Variants in PDLIM1 observed in about 807,000 individuals in gnomAD.
PDLIM1 encodes the protein PDZ and LIM domain protein 1.
PDLIM1 carries 25 observed loss-of-function variants against 35.2 expected under a neutral mutation model. The observed-to-expected ratio is 0.71, with a 90% CI of 0.52 to 0.99. The LOEUF (loss-of-function observed/expected upper bound fraction) is 0.99, where lower values mean the gene tolerates loss of function less well. Ranked by LOEUF, PDLIM1 falls within the 50% of genes least tolerant of loss-of-function variation. The pLI, the probability that PDLIM1 is intolerant of heterozygous loss-of-function variation, is 0.00. For missense variants in PDLIM1, 363 were observed against 415.3 expected (o/e 0.87, Z 1.09); for synonymous variants, 152 against 154.0 (o/e 0.99, Z 0.10).
At chr10:95,265,281 A>G (rs1276535622) in intron 3 of PDLIM1, among the ~76,000 whole-genome samples, 1 of 152,174 alleles carries the variant, frequency 6.6e-6, no homozygotes, top group Non-Finnish European at 1.5e-5. Flanking sequence ...AAACAACCTG[A>G]AAATATTTTT....
chr10:95,248,772 C>T (rs2035243652), intron 4 of PDLIM1, among the ~76,000 whole-genome samples: 1 of 152,242 alleles, frequency 6.6e-6, no homozygotes. Context: ...CTCTGCTCTA[C>T]TGAGACCAGG....
chr10:95,248,749 CAG>C (rs1320253514), intron 4 of PDLIM1, among the ~76,000 whole-genome samples: 1 of 152,236 alleles, frequency 6.6e-6, no homozygotes, highest in Non-Finnish European at 1.5e-5. Context: ...CATCCCCTGC[CAG>C]CCCTGGCCCA....
At chr10:95,247,154 A>C in intron 5 of PDLIM1, 61 bp downstream of exon 5, 5 of 1,491,870 alleles carry the variant, frequency 3.4e-6, no homozygotes, top group Non-Finnish European at 4.6e-6. Flanking sequence ...TGCTTCCACA[A>C]TGACTGACTC....
At position 95,237,931 on chromosome 10, in the gene PDLIM1, G is replaced by T. The variant is rs1460083433; in HGVS notation, c.984C>A (p.Pro328=). ...AGTGGTCAGATCTGCTGGCTCACTT[G>T]GGGAACACAGTGACCACTTCATAAC... ...PEGYEVVTVF[P]K The change falls in exon 7 of 7, where the codon CCC becomes CCA. Residue 328 remains proline, a synonymous_variant. Transcript: ENST00000329399. 3.7e-6 allele frequency: 6 copies of T among 1,613,574 alleles called. No individual in the cohort carries two copies. The highest frequency in any genetic ancestry group is 1.6e-4 in the Middle Eastern group (1 of 6,084).
intron 1 of PDLIM1, among the ~76,000 whole-genome samples, chr10:95,282,932 A>C (rs1477716131): frequency 2.0e-5 from 3 of 152,218 alleles, no homozygotes; most frequent in Non-Finnish European, 4.4e-5. Flanking sequence ...CGACAGAGCG[A>C]GACTCCGTCA....
chr10:95,277,599 C>T (rs1191858686), intron 1 of PDLIM1, among the ~76,000 whole-genome samples: 1 of 151,936 alleles, frequency 6.6e-6, no homozygotes, highest in Non-Finnish European at 1.5e-5. Context: ...GCCGAGATCA[C>T]ACCACTGCAC....
chr10:95,250,252 G>A (rs1208852980), intron 4 of PDLIM1, among the ~76,000 whole-genome samples: 1 of 151,670 alleles, frequency 6.6e-6, no homozygotes, highest in East Asian at 1.9e-4. Flanking sequence ...TGTTATGTCT[G>A]GAAGCCACCA....
At chr10:95,242,195 G>A (rs753824491) in intron 5 of PDLIM1, among the ~76,000 whole-genome samples, 6 of 152,156 alleles carry the variant, frequency 3.9e-5, no homozygotes, top group Non-Finnish European at 7.4e-5. Flanking sequence ...TGCATAAGGA[G>A]AAACCACCTT....
At chr10:95,286,526 G>C (rs760280596) in intron 1 of PDLIM1, among the ~76,000 whole-genome samples, 1 of 152,108 alleles carries the variant, frequency 6.6e-6, no homozygotes, top group South Asian at 2.1e-4. Flanking sequence ...AAGGTGCTCC[G>C]GACTAGAGCT....
chr10:95,262,389 A>C (rs547825137), intron 4 of PDLIM1, among the ~76,000 whole-genome samples: 82 of 152,354 alleles, frequency 5.4e-4, no homozygotes, highest in African/African-American at 2.0e-3. Flanking sequence ...CTCAGAGCTA[A>C]GGCAAGTTTG....
chr10:95,258,324 C>G (rs2035333831), intron 4 of PDLIM1, among the ~76,000 whole-genome samples: 1 of 151,676 alleles, frequency 6.6e-6, no homozygotes, highest in Non-Finnish European at 1.5e-5. Flanking sequence ...AAAGAAGGCC[C>G]CATCTCTACT....
At chr10:95,240,799 G>C (rs2035171537) in intron 5 of PDLIM1, among the ~76,000 whole-genome samples, 1 of 152,166 alleles carries the variant, frequency 6.6e-6, no homozygotes, top group Admixed American at 6.5e-5. Context: ...TAGTCAGCCT[G>C]GTGCGTGTAA....
chr10:95,238,090 C>T lies in PDLIM1; in HGVS notation c.825G>A (p.Arg275=). ...AACACTCAGGGTGGCGGTGACGGTC[C>T]CGCAGCTTCACAAACACACCACTAC... ...TGIVGVFVKL[R]DRHRHPECYV... The change falls in exon 7 of 7, where the codon CGG becomes CGA. Residue 275 remains arginine, a synonymous_variant. Transcript: ENST00000329399. 6.2e-7 allele frequency: 1 copy of T among 1,613,878 alleles called. No individual in the cohort carries two copies. Among genetic ancestry groups the T allele is most frequent in the South Asian group, 1.1e-5 (1 of 91,002 alleles).
At position 95,290,228 on chromosome 10, in the gene PDLIM1, A is replaced by T. The variant is rs1438259462; in HGVS notation, c.96+592T>A. Among the ~76,000 whole-genome samples the T allele has an allele frequency of 2.0e-5, 3 of 151,998 alleles. No individual in the cohort carries two copies. Among genetic ancestry groups the T allele is most frequent in the Non-Finnish European group, 4.4e-5 (3 of 68,032 alleles). On this transcript the variant is annotated intron_variant, in intron 1 of 6. Coordinates refer to ENST00000329399, the MANE Select transcript of PDLIM1 (RefSeq NM_020992.4). This position sits in a 1 kb window ranked among gnomAD's most constrained non-coding sequence, Gnocchi z 4.7. Reference sequence around the variant, plus strand: ...ACGTTCTGCAGAGGGGAGAATGACCAAGAGGGTTTACTTGAGTTTGTTTGT... The same window carrying T: ...ACGTTCTGCAGAGGGGAGAATGACCTAGAGGGTTTACTTGAGTTTGTTTGT...
chr10:95,256,081 C>A (rs1365465455), intron 4 of PDLIM1, among the ~76,000 whole-genome samples: 4 of 151,992 alleles, frequency 2.6e-5, no homozygotes, highest in African/African-American at 9.7e-5. Context: ...AACAAAATAC[C>A]TAATAAACTT....
At chr10:95,253,191 A>T (rs2035281095) in intron 4 of PDLIM1, among the ~76,000 whole-genome samples, 3 of 152,192 alleles carry the variant, frequency 2.0e-5, no homozygotes. Context: ...TCTTATCAGA[A>T]TCCATAAAGA....
intron 5 of PDLIM1, among the ~76,000 whole-genome samples, chr10:95,242,826 TTCTGGCTGATGAAGCCA>T (rs2035189791): frequency 1.3e-5 from 2 of 152,220 alleles, no homozygotes; most frequent in African/African-American, 4.8e-5. Flanking sequence ...TTCCCTCATT[TTCTGGCTGATGAAGCCA>T]TCTGGCTGCC....
At chr10:95,278,608 C>T (rs45548436) in intron 1 of PDLIM1, among the ~76,000 whole-genome samples, 15 of 150,654 alleles carry the variant, frequency 1.0e-4, no homozygotes, top group Non-Finnish European at 2.1e-4. Flanking sequence ...AAAGAGCATG[C>T]CAAGTCTCAA....
At chr10:95,260,540 C>T (rs544906392) in intron 4 of PDLIM1, among the ~76,000 whole-genome samples, 1 of 152,300 alleles carries the variant, frequency 6.6e-6, no homozygotes, top group East Asian at 1.9e-4. Flanking sequence ...ACCTCCCCCT[C>T]CACTGTGTGC....
Sources: allele counts gnomAD v4.1 joint callset (sites outside exome capture counted in the v4.1 genomes callset), GRCh38; gene constraint gnomAD v4.1.1; non-coding constraint Gnocchi (gnomAD v3.1); transcripts MANE v1.5; gene names NCBI Gene and HGNC (gene_info 2026-07-23, HGNC 2026-07-21).